Variants in RBFOX1 observed in about 807,000 individuals in gnomAD.
The protein encoded by RBFOX1 is RNA binding protein fox-1 homolog 1.
In RBFOX1, 8 loss-of-function variants were observed where a neutral mutation model predicts 57.7. The observed-to-expected ratio is 0.14, with a 90% confidence interval of 0.08 to 0.25. The LOEUF (loss-of-function observed/expected upper bound fraction) is 0.25. RBFOX1 is among the 10% of genes least tolerant of loss of function. RBFOX1 has a pLI of 1.00. For missense variants in RBFOX1, 611 were observed against 548.5 expected (o/e 1.11, Z -1.14); for synonymous variants, 326 against 222.4 (o/e 1.47, Z -4.15).
intron 2 of RBFOX1, among the ~76,000 whole-genome samples, chr16:6,537,604 T>C (rs1406289972): frequency 1.3e-5 from 2 of 152,216 alleles, no homozygotes; most frequent in African/African-American, 4.8e-5. Flanking sequence ...TCTGTACTGC[T>C]CATGGACTGT....
intron 2 of RBFOX1, among the ~76,000 whole-genome samples, chr16:6,501,561 C>G (rs980499781): frequency 6.6e-6 from 1 of 151,946 alleles, no homozygotes; most frequent in African/African-American, 2.4e-5. Context: ...TGGGTTGGTT[C>G]CAAGTCTTTG....
Position 6,110,195 on chromosome 16 carries a change from CTTTTTTTTT to C in RBFOX1, c.-127+90211_-127+90219del, listed in dbSNP as rs3049169. Among the ~76,000 whole-genome samples the C allele has an allele frequency of 8.6e-5, 11 of 128,238 alleles. No individual in the cohort carries two copies. The East Asian group carries it at 2.4e-3, about 28-fold the overall frequency. 84.1% of individuals were successfully genotyped at this position (128,238 alleles called of 152,430 possible). ...TTTTGGTTTTCTGTATTTTCTTCTT[CTTTTTTTTT>C]TTTTTTTAGTTCATTATTCTTTTAG... On this transcript the variant is annotated intron_variant, in intron 1 of 15. Transcript: ENST00000550418.
At chr16:6,642,526 G>A (rs1027694467) in intron 2 of RBFOX1, among the ~76,000 whole-genome samples, 3 of 151,720 alleles carry the variant, frequency 2.0e-5, no homozygotes, top group African/African-American at 4.8e-5. Context: ...TTTACCCCAC[G>A]CCAGCTCTGC....
intron 3 of RBFOX1, among the ~76,000 whole-genome samples, chr16:5,739,732 A>G (rs964083208): frequency 2.0e-5 from 3 of 152,212 alleles, no homozygotes; most frequent in Non-Finnish European, 2.9e-5. Flanking sequence ...GGGACAGGAA[A>G]TCCTGTGTTG....
intron 3 of RBFOX1, among the ~76,000 whole-genome samples, chr16:5,715,770 C>G (rs1053337704): frequency 6.6e-6 from 1 of 152,164 alleles, no homozygotes; most frequent in African/African-American, 2.4e-5. Context: ...GAGAAGCCTG[C>G]GGCTGCGAGT....
At chr16:7,387,171 G>T (rs1371681661) in intron 4 of RBFOX1, among the ~76,000 whole-genome samples, 1 of 152,098 alleles carries the variant, frequency 6.6e-6, no homozygotes, top group East Asian at 1.9e-4. Flanking sequence ...CCATTCTGTA[G>T]GTTGCTGAAA....
At chr16:7,224,203 T>C (rs2092944139) in intron 4 of RBFOX1, among the ~76,000 whole-genome samples, 1 of 141,826 alleles carries the variant, frequency 7.1e-6, no homozygotes, top group African/African-American at 2.6e-5. Flanking sequence ...AATACTATAA[T>C]GGGAAGAGTT....
intron 4 of RBFOX1, among the ~76,000 whole-genome samples, chr16:7,273,870 C>T (rs1172047862): frequency 6.6e-6 from 1 of 152,168 alleles, no homozygotes; most frequent in Non-Finnish European, 1.5e-5. Flanking sequence ...ATTTCATTAT[C>T]TGCCATACGT....
At chr16:5,892,771 A>G (rs1463270645) in intron 4 of RBFOX1, among the ~76,000 whole-genome samples, 1 of 152,180 alleles carries the variant, frequency 6.6e-6, no homozygotes, top group African/African-American at 2.4e-5. Flanking sequence ...TTTTAGGAAC[A>G]GCATGTGCAA....
intron 1 of RBFOX1, among the ~76,000 whole-genome samples, chr16:5,391,316 T>G (rs1481166395): frequency 6.8e-6 from 1 of 146,498 alleles, no homozygotes; most frequent in Non-Finnish European, 1.5e-5. Flanking sequence ...AGTGGGGTTA[T>G]GTTCCTCCTA....
intron 1 of RBFOX1, among the ~76,000 whole-genome samples, chr16:6,046,307 A>T (rs1394063725): frequency 6.6e-6 from 1 of 152,162 alleles, no homozygotes; most frequent in African/African-American, 2.4e-5. Flanking sequence ...GATGAGGAAA[A>T]GGGAGGAAGC....
At position 7,279,120 on chromosome 16, in the gene RBFOX1, C is replaced by A. The variant is rs1235036788; in HGVS notation, c.27+227022C>A. Among the ~76,000 whole-genome samples, 4 of 147,740 alleles carry A rather than the reference C, an allele frequency of 2.7e-5. No individual in the cohort carries two copies. In the South Asian group the frequency reaches 8.8e-4, roughly 33 times the overall value. ...TTTTTTTAATGTACATTTTCTCTTTCCTTTTCTTTCTTTCTTTTTTTTTTA... is the reference window on the plus strand; with the variant it reads ...TTTTTTTAATGTACATTTTCTCTTTACTTTTCTTTCTTTCTTTTTTTTTTA... On this transcript the variant is annotated intron_variant, in intron 4 of 15. Transcript: ENST00000550418.
chr16:5,909,084 GC>G lies in RBFOX1; in HGVS notation c.351+41755del, dbSNP rs372146600. ...TATTATATCGGCTCCAACAGACTAA[GC>G]CCCCCTTTTTTTTTTTTTTTTTTTT... On this transcript the variant is annotated intron_variant, in intron 4 of 19. Coordinates refer to the RBFOX1 transcript ENST00000641259. 9.6e-3 allele frequency among the ~76,000 whole-genome samples: 1,266 copies of G among 132,430 alleles called. 74 individuals carry two copies. Among genetic ancestry groups the G allele is most frequent in the African/African-American group, 0.022 (720 of 32,228 alleles). 86.9% of individuals were successfully genotyped at this position (132,430 alleles called of 152,430 possible). A position where few individuals can be genotyped will look rare whatever the true frequency, so the allele number is the denominator to read the frequency against.
chr16:7,473,173 G>C (rs1019195730), intron 4 of RBFOX1, among the ~76,000 whole-genome samples: 3 of 152,050 alleles, frequency 2.0e-5, no homozygotes, highest in African/African-American at 7.2e-5. Flanking sequence ...AAGCCCAGGA[G>C]TTTGAGACCA....
At chr16:6,661,862 C>T (rs533242929) in intron 3 of RBFOX1, among the ~76,000 whole-genome samples, 16 of 152,152 alleles carry the variant, frequency 1.1e-4, no homozygotes, top group Non-Finnish European at 2.2e-4. Context: ...TGAAGGACCT[C>T]TATACTGTTG....
chr16:7,215,838 C>T lies in RBFOX1; in HGVS notation c.27+163740C>T, dbSNP rs575910840. The stretch of plus-strand genomic sequence containing the variant: ...CTCTCGGGTTCACGCCATTCTCCTG[C>T]CTCAGCCTCCCGATTAGCTGGGACT... On this transcript the variant is annotated intron_variant, in intron 4 of 15. Transcript: ENST00000550418. 3.3e-5 allele frequency among the ~76,000 whole-genome samples: 5 copies of T among 151,572 alleles called. No individual in the cohort carries two copies. In the East Asian group the frequency reaches 9.8e-4, roughly 30 times the overall value.
intron 4 of RBFOX1, among the ~76,000 whole-genome samples, chr16:7,209,455 A>T (rs1210877100): frequency 6.6e-6 from 1 of 152,194 alleles, no homozygotes; most frequent in Non-Finnish European, 1.5e-5. Context: ...CCCTGCTATC[A>T]TTTGGATAAT....
intron 3 of RBFOX1, among the ~76,000 whole-genome samples, chr16:5,694,465 T>A (rs1214933576): frequency 4.6e-5 from 7 of 152,174 alleles, no homozygotes; most frequent in African/African-American, 1.4e-4. Context: ...ACCCACTTGG[T>A]CTATGAAATC....
intron 1 of RBFOX1, among the ~76,000 whole-genome samples, chr16:6,237,056 C>G (rs1378986207): frequency 3.9e-5 from 6 of 152,104 alleles, no homozygotes; most frequent in Non-Finnish European, 7.4e-5. Context: ...AATTCCTCAG[C>G]AAAATGGAGT....
Sources: gnomAD v4.1 joint callset for allele counts (sites outside exome capture counted in the v4.1 genomes callset) on GRCh38, gnomAD v4.1.1 for gene constraint, MANE v1.5 for transcripts, NCBI Gene and HGNC (gene_info 2026-07-23, HGNC 2026-07-21) for gene names.